Variants in KHDRBS2 observed in about 807,000 individuals in gnomAD.
KHDRBS2 encodes KH domain-containing, RNA-binding, signal transduction-associated protein 2.
KHDRBS2 carries 26 observed loss-of-function variants against 44.3 expected under a neutral mutation model. That is an observed-to-expected ratio of 0.59 (90% CI 0.43 to 0.81). KHDRBS2 has a LOEUF of 0.81. Among genes scored for constraint, KHDRBS2 ranks in the 40% least tolerant of loss-of-function variants. The pLI, the probability that KHDRBS2 is intolerant of heterozygous loss-of-function variation, is 0.00. For synonymous variants in KHDRBS2, 194 were observed against 151.1 expected (o/e 1.28, Z -2.08); for missense variants, 476 against 433.1 (o/e 1.10, Z -0.88).
At chr6:61,902,048 C>T (rs1219476304) in intron 4 of KHDRBS2, among the ~76,000 whole-genome samples, 15 of 152,112 alleles carry the variant, frequency 9.9e-5, no homozygotes, top group East Asian at 9.6e-4. Context: ...CTCCGCTTCC[C>T]GGGTTAAAGC....
chr6:61,676,779 A>T, downstream of KHDRBS2, among the ~76,000 whole-genome samples: 1 of 151,696 alleles, frequency 6.6e-6, no homozygotes, highest in Non-Finnish European at 1.5e-5. Flanking sequence ...AACCCATCTG[A>T]GGCTTTTATT....
chr6:62,144,800 T>C (rs2150100907), intron 2 of KHDRBS2, among the ~76,000 whole-genome samples: 1 of 152,056 alleles, frequency 6.6e-6, no homozygotes, highest in Non-Finnish European at 1.5e-5. Flanking sequence ...GATAAGATTA[T>C]GCATGACAGG....
the KHDRBS2 span, among the ~76,000 whole-genome samples, chr6:61,607,540 A>AAAAAAAAAAAAC: frequency 6.8e-6 from 1 of 148,130 alleles, no homozygotes; most frequent in African/African-American, 2.4e-5. Context: ...AAAAAAAAAA[A>AAAAAAAAAAAAC]AAAAAGATGT....
the KHDRBS2 span, among the ~76,000 whole-genome samples, chr6:61,595,122 A>G: frequency 6.6e-6 from 1 of 152,106 alleles, no homozygotes; most frequent in Non-Finnish European, 1.5e-5. Context: ...TACTATATAA[A>G]ATTCTTATTA....
At chr6:62,156,838 ATTT>A (rs34408265) in intron 2 of KHDRBS2, among the ~76,000 whole-genome samples, 34,967 of 124,126 alleles carry the variant, frequency 0.28, 4,468 homozygotes, top group Non-Finnish European at 0.29. Flanking sequence ...CGCCCGGCTA[ATTT>A]TTTTTTTTTT....
intron 6 of KHDRBS2, among the ~76,000 whole-genome samples, chr6:61,776,326 A>T (rs1192079857): frequency 6.6e-6 from 1 of 152,200 alleles, no homozygotes; most frequent in Non-Finnish European, 1.5e-5. Context: ...CTGCACAGCA[A>T]AAGAAACTAC....
intron 3 of KHDRBS2, among the ~76,000 whole-genome samples, chr6:61,987,921 C>A (rs1775366690): frequency 6.6e-6 from 1 of 152,224 alleles, no homozygotes; most frequent in Admixed American, 6.5e-5. Context: ...GAAGGGAAAT[C>A]TTCACAATTG....
intron 2 of KHDRBS2, among the ~76,000 whole-genome samples, chr6:62,119,058 G>A (rs1226022450): frequency 2.6e-5 from 4 of 152,260 alleles, no homozygotes; most frequent in African/African-American, 9.6e-5. Flanking sequence ...ACCAGAAGTG[G>A]TTCTAGAGGA....
At chr6:61,628,961 G>T in the KHDRBS2 span, among the ~76,000 whole-genome samples, 7 of 152,224 alleles carry the variant, frequency 4.6e-5, no homozygotes, top group East Asian at 1.4e-3. Flanking sequence ...TGTCTAATTA[G>T]TACAGTCAAG....
At chr6:62,000,731 C>T (rs977493218) in intron 3 of KHDRBS2, among the ~76,000 whole-genome samples, 75 of 152,108 alleles carry the variant, frequency 4.9e-4, no homozygotes, top group African/African-American at 1.7e-3. Flanking sequence ...TAGAGCACTT[C>T]AGCAGAGAGG....
At chr6:62,162,537 G>A (rs1216750132) in intron 2 of KHDRBS2, among the ~76,000 whole-genome samples, 2 of 152,040 alleles carry the variant, frequency 1.3e-5, no homozygotes, top group African/African-American at 2.4e-5. Flanking sequence ...GTTGGGAGAT[G>A]GATAGCTACT....
At chr6:61,806,010 T>G (rs754333894) in intron 6 of KHDRBS2, among the ~76,000 whole-genome samples, 2 of 152,202 alleles carry the variant, frequency 1.3e-5, no homozygotes, top group East Asian at 3.9e-4. Flanking sequence ...CCCAGGAAGA[T>G]AGGCTTCAGA....
At chr6:62,062,923 G>A (rs370125804) in intron 2 of KHDRBS2, among the ~76,000 whole-genome samples, 56 of 149,142 alleles carry the variant, frequency 3.8e-4, no homozygotes, top group African/African-American at 1.2e-3. Context: ...TCAAATAGAC[G>A]CAATAAAAAA....
rs143665450 is a variant in KHDRBS2, at chr6:62,034,045, C to T, written c.336+13833G>A. The stretch of plus-strand genomic sequence containing the variant: ...TGTGGCTATTAAGAGCAACTATATG[C>T]CAATATATTGGAAAATCTAGAAGAA... On this transcript the variant is annotated intron_variant, in intron 3 of 8. Coordinates refer to ENST00000281156, the MANE Select transcript of KHDRBS2 (RefSeq NM_152688.4). 3.9e-3 allele frequency among the ~76,000 whole-genome samples: 586 copies of T among 151,590 alleles called. 3 individuals carry two copies. Among genetic ancestry groups the T allele is most frequent in the Non-Finnish European group, 4.9e-3 (335 of 67,818 alleles).
At chr6:62,054,102 C>T (rs1789725876) in intron 2 of KHDRBS2, among the ~76,000 whole-genome samples, 2 of 152,034 alleles carry the variant, frequency 1.3e-5, no homozygotes, top group South Asian at 4.1e-4. Context: ...TTCTAGTCTT[C>T]TAAATTTCAT....
At chr6:61,655,949 T>C in the KHDRBS2 span, among the ~76,000 whole-genome samples, 1 of 152,064 alleles carries the variant, frequency 6.6e-6, no homozygotes, top group African/African-American at 2.4e-5. Flanking sequence ...AGTAGGAAGT[T>C]TGGGCCCCAT....
chr6:61,951,071 T>C (rs1272632730), intron 4 of KHDRBS2, among the ~76,000 whole-genome samples: 5 of 152,058 alleles, frequency 3.3e-5, no homozygotes, highest in Non-Finnish European at 7.4e-5. Flanking sequence ...TGTTCTGTTC[T>C]ATGCAGAAAT....
At chr6:61,596,641 T>TAAA in the KHDRBS2 span, among the ~76,000 whole-genome samples, 6 of 152,104 alleles carry the variant, frequency 3.9e-5, no homozygotes, top group Non-Finnish European at 8.8e-5. Context: ...CTTCTTTTTT[T>TAAA]AATTTAATTT....
At chr6:61,663,417 TA>T in the KHDRBS2 span, among the ~76,000 whole-genome samples, 58 of 134,496 alleles carry the variant, frequency 4.3e-4, no homozygotes, top group African/African-American at 1.5e-3. Flanking sequence ...AAAATTAAAT[TA>T]AAAAAATAAA....
Sources: gnomAD v4.1 joint callset for allele counts (sites outside exome capture counted in the v4.1 genomes callset) on GRCh38, gnomAD v4.1.1 for gene constraint, MANE v1.5 for transcripts, NCBI Gene and HGNC (gene_info 2026-07-23, HGNC 2026-07-21) for gene names.